Variants in TMLHE observed in about 807,000 individuals in gnomAD.
The protein encoded by TMLHE is trimethyllysine dioxygenase, mitochondrial.
TMLHE carries 18 observed loss-of-function variants against 25.7 expected under a neutral mutation model. That is an observed-to-expected ratio of 0.70 (90% CI 0.48 to 1.04). The LOEUF (loss-of-function observed/expected upper bound fraction) is 1.04, where lower values mean the gene tolerates loss of function less well. Ranked by LOEUF, TMLHE falls within the 50% of genes least tolerant of loss-of-function variation. The pLI, the probability that TMLHE is intolerant of heterozygous loss-of-function variation, is 0.00. For synonymous variants in TMLHE, 105 were observed against 97.0 expected (o/e 1.08, Z -0.49); for missense variants, 236 against 259.0 (o/e 0.91, Z 0.61).
intron 1 of TMLHE, among the ~76,000 whole-genome samples, chrX:155,582,651 T>C (rs782660140): frequency 1.8e-5 from 2 of 111,873 alleles, no homozygotes; most frequent in African/African-American, 6.5e-5. Flanking sequence ...AGAATGGCGA[T>C]CATTAAAAAG....
At chrX:155,558,094 G>A (rs1557341161) in intron 1 of TMLHE, among the ~76,000 whole-genome samples, 3 of 111,678 alleles carry the variant, frequency 2.7e-5, no homozygotes. Context: ...AAAATCCAAT[G>A]TCCTTAATGT....
intron 1 of TMLHE, among the ~76,000 whole-genome samples, chrX:155,558,510 G>A (rs969549211): frequency 7.2e-5 from 8 of 111,724 alleles, no homozygotes; most frequent in African/African-American, 2.6e-4. Flanking sequence ...CATCTAGCAT[G>A]GTTCCTAGTA....
intron 4 of TMLHE, among the ~76,000 whole-genome samples, chrX:155,513,389 A>G (rs1424231460): frequency 9.0e-6 from 1 of 111,543 alleles, no homozygotes; most frequent in Non-Finnish European, 1.9e-5. Flanking sequence ...GGTATATTTG[A>G]GTGTCAGTGC....
chrX:155,568,995 G>T (rs1603070035), intron 1 of TMLHE, among the ~76,000 whole-genome samples: 1 of 61,859 alleles, frequency 1.6e-5, no homozygotes, highest in South Asian at 9.3e-4. Flanking sequence ...GAATGACTTT[G>T]ACGAGTTGAG....
chrX:155,546,413 G>A (rs1381636730), intron 1 of TMLHE, among the ~76,000 whole-genome samples: 1 of 111,439 alleles, frequency 9.0e-6, no homozygotes, highest in African/African-American at 3.3e-5. Flanking sequence ...TTGCAGATAG[G>A]CTGTGTGGTT....
rs782566326 is a variant in TMLHE, at chrX:155,510,908, C to A, written c.758+765G>T. 2.0e-3 allele frequency among the ~76,000 whole-genome samples: 211 copies of A among 106,938 alleles called. 1 individual carries two copies. The highest frequency in any genetic ancestry group is 6.9e-3 in the African/African-American group (207 of 30,066). 92.9% of individuals were successfully genotyped at this position (106,938 alleles called of 115,157 possible). ...CTATTTCTTCACATCCTCTCCAGCA[C>A]CTGTTGTTTCCTGACTTTTTAATGA... On this transcript the variant is annotated intron_variant, in intron 5 of 7. Transcript: ENST00000334398.
chrX:155,564,620 T>C (rs2124449657), intron 1 of TMLHE, among the ~76,000 whole-genome samples: 1 of 61,699 alleles, frequency 1.6e-5, no homozygotes, highest in African/African-American at 3.6e-5. Flanking sequence ...GAAACAATGA[T>C]GGATGATAGA....
chrX:155,554,392 T>C (rs1355990379), intron 1 of TMLHE, among the ~76,000 whole-genome samples: 1 of 110,959 alleles, frequency 9.0e-6, no homozygotes, highest in Non-Finnish European at 1.9e-5. Flanking sequence ...AAAGGCTGGA[T>C]ATAGAATTTA....
intron 2 of TMLHE, among the ~76,000 whole-genome samples, 194 bp from the exon 3 acceptor site, chrX:155,524,826 G>C (rs1490473263): frequency 2.7e-5 from 3 of 111,327 alleles, no homozygotes; most frequent in Non-Finnish European, 5.7e-5. Flanking sequence ...TATTTAAATA[G>C]ATAAAATGAT....
chrX:155,547,400 C>G (rs1557338936), intron 1 of TMLHE, among the ~76,000 whole-genome samples: 3 of 111,312 alleles, frequency 2.7e-5, no homozygotes, highest in African/African-American at 3.3e-5. Flanking sequence ...GCCTCAGCCT[C>G]CCAAAGTGCT....
At chrX:155,587,337 A>G (rs2067671151) in intron 1 of TMLHE, among the ~76,000 whole-genome samples, 1 of 112,005 alleles carries the variant, frequency 8.9e-6, no homozygotes, top group Non-Finnish European at 1.9e-5. Context: ...AAAAACTCTC[A>G]ACAAACTAGT....
chrX:155,583,141 G>A (rs1557344800), intron 1 of TMLHE, among the ~76,000 whole-genome samples: 1 of 110,835 alleles, frequency 9.0e-6, no homozygotes, highest in Non-Finnish European at 1.9e-5. Context: ...TTGGACACAG[G>A]GTGGGGAACA....
chrX:155,557,700 TC>T lies in TMLHE; in HGVS notation c.-1-12424del, dbSNP rs1361112615. On this transcript the variant is annotated intron_variant, in intron 1 of 7. Transcript: ENST00000334398. The stretch of plus-strand genomic sequence containing the variant: ...GAAGCACCTTTTAATGACATCCTGA[TC>T]CCCCCTACACCTAAACTGTTTCCTC... Among the ~76,000 whole-genome samples, 9 of 110,997 alleles carry T rather than the reference TC, an allele frequency of 8.1e-5. No individual in the cohort carries two copies. The East Asian group carries it at 2.0e-3, about 24-fold the overall frequency.
chrX:155,581,188 C>A (rs1340104568), intron 1 of TMLHE, among the ~76,000 whole-genome samples: 1 of 111,191 alleles, frequency 9.0e-6, no homozygotes, highest in Non-Finnish European at 1.9e-5. Flanking sequence ...ATAATAAGAG[C>A]TATTTATGAC....
chrX:155,559,940 G>A (rs782025131), intron 1 of TMLHE, among the ~76,000 whole-genome samples: 23 of 112,456 alleles, frequency 2.0e-4, no homozygotes, highest in Non-Finnish European at 2.6e-4. Context: ...CACCTTCTTC[G>A]TAAAATATTC....
intron 3 of TMLHE, among the ~76,000 whole-genome samples, chrX:155,523,052 G>A (rs1317113767): frequency 1.8e-5 from 2 of 111,287 alleles, no homozygotes; most frequent in Non-Finnish European, 3.8e-5. Flanking sequence ...CATTCTGATA[G>A]GTATGTAGTG....
chrX:155,604,708 T>G (rs2067777016), intron 1 of TMLHE, among the ~76,000 whole-genome samples: 1 of 111,106 alleles, frequency 9.0e-6, no homozygotes, highest in African/African-American at 3.3e-5. Context: ...CACAAGGAAA[T>G]AGAGGAGTCA....
intron 1 of TMLHE, among the ~76,000 whole-genome samples, chrX:155,549,853 C>G (rs782512609): frequency 1.8e-5 from 2 of 109,933 alleles, no homozygotes; most frequent in Non-Finnish European, 3.8e-5. Context: ...CTAGGTATTT[C>G]TCCTAATGCT....
intron 1 of TMLHE, among the ~76,000 whole-genome samples, chrX:155,575,869 T>C (rs1282754825): frequency 8.9e-6 from 1 of 112,110 alleles, no homozygotes; most frequent in South Asian, 3.7e-4. Context: ...CAGCCATCTA[T>C]AACAAACCCA....
Sources: allele counts gnomAD v4.1 joint callset (sites outside exome capture counted in the v4.1 genomes callset), GRCh38; gene constraint gnomAD v4.1.1; transcripts MANE v1.5; gene names NCBI Gene and HGNC (gene_info 2026-07-23, HGNC 2026-07-21).